GLIS3: variants seen among roughly 807,000 people sequenced by gnomAD.
GLIS3 encodes the protein zinc finger protein GLIS3.
Under a neutral mutation model 78.6 loss-of-function variants are expected in GLIS3, and 53 were observed. The ratio of observed to expected loss-of-function variants is 0.67; its 90% CI spans 0.54 to 0.85. The LOEUF is 0.85. GLIS3 is among the 40% of genes least tolerant of loss of function. The pLI, the probability that GLIS3 is intolerant of heterozygous loss-of-function variation, is 0.00. For missense variants in GLIS3, 1,703 were observed against 1,231.1 expected, an observed-to-expected ratio of 1.38 and a Z score of -5.74; for synonymous variants, 684 against 509.9, an observed-to-expected ratio of 1.34 and a Z score of -4.60.
At chr9:3,864,685 C>G (rs1820456899) in intron 8 of GLIS3, among the ~76,000 whole-genome samples, 1 of 152,148 alleles carries the variant, frequency 6.6e-6, no homozygotes, top group Non-Finnish European at 1.5e-5. Flanking sequence ...TATTGAATGT[C>G]AGGTGCAGGA....
chr9:4,040,933 C>T (rs970873592), intron 4 of GLIS3, among the ~76,000 whole-genome samples: 4 of 152,122 alleles, frequency 2.6e-5, no homozygotes, highest in African/African-American at 9.7e-5. Flanking sequence ...TACAAAACAT[C>T]AGGACCCACT....
At chr9:3,894,722 T>G (rs201328887) in intron 7 of GLIS3, among the ~76,000 whole-genome samples, 1 of 6,862 alleles carries the variant, frequency 1.5e-4, no homozygotes, top group African/African-American at 7.4e-4. Context: ...AACATCTATT[T>G]TTTTTTTTTT....
chr9:4,383,019 T>C, the GLIS3 span, among the ~76,000 whole-genome samples: 1 of 152,054 alleles, frequency 6.6e-6, no homozygotes, highest in East Asian at 1.9e-4. Context: ...TAAAAGGAAG[T>C]TGCAGAAACC....
chr9:4,199,949 A>G (rs996102549), intron 2 of GLIS3, among the ~76,000 whole-genome samples: 11 of 152,192 alleles, frequency 7.2e-5, no homozygotes. Flanking sequence ...TCGAAATCAT[A>G]CCAATCGTAC....
At chr9:4,407,680 G>T in the GLIS3 span, among the ~76,000 whole-genome samples, 1 of 151,992 alleles carries the variant, frequency 6.6e-6, no homozygotes, top group Non-Finnish European at 1.5e-5. Flanking sequence ...AGAAAACATT[G>T]GAAAAACTAT....
intron 2 of GLIS3, among the ~76,000 whole-genome samples, chr9:4,282,241 G>A (rs1827625118): frequency 1.3e-5 from 2 of 152,154 alleles, no homozygotes; most frequent in Non-Finnish European, 2.9e-5. Context: ...CCAAAGCAAT[G>A]ATACTGCTTT....
At chr9:4,436,442 G>A in the GLIS3 span, among the ~76,000 whole-genome samples, 1 of 151,924 alleles carries the variant, frequency 6.6e-6, no homozygotes, top group Non-Finnish European at 1.5e-5. Flanking sequence ...GTCTGTTCAG[G>A]TTCCTCATAT....
At chr9:4,489,787 C>T in the GLIS3 span, among the ~76,000 whole-genome samples, 1 of 152,176 alleles carries the variant, frequency 6.6e-6, no homozygotes, top group Admixed American at 6.5e-5. Flanking sequence ...TCCCAAGGAG[C>T]AGAAGTAAAG....
At chr9:3,953,795 C>CTCTCTCTCTCTCTCTATATATATA (rs1403671770) in intron 4 of GLIS3, among the ~76,000 whole-genome samples, 1 of 73,326 alleles carries the variant, frequency 1.4e-5, no homozygotes, top group African/African-American at 5.7e-5. Context: ...CTCTCTCTCT[C>CTCTCTCTCTCTCTCTATATATATA]TATATATATA....
intron 2 of GLIS3, among the ~76,000 whole-genome samples, chr9:4,315,223 C>T (rs898436018): frequency 6.6e-6 from 1 of 152,134 alleles, no homozygotes; most frequent in Non-Finnish European, 1.5e-5. Context: ...GTGGAAGAAA[C>T]AAATCTCGTC....
intron 2 of GLIS3, among the ~76,000 whole-genome samples, chr9:4,282,101 C>G (rs1827612956): frequency 6.6e-6 from 1 of 152,208 alleles, no homozygotes; most frequent in African/African-American, 2.4e-5. Flanking sequence ...AGATGCTTGT[C>G]TGTGTAGCAA....
chr9:4,467,734 C>CA, the GLIS3 span, among the ~76,000 whole-genome samples: 1 of 152,290 alleles, frequency 6.6e-6, no homozygotes, highest in South Asian at 2.1e-4. Context: ...TCTTCACCCC[C>CA]AAAGGAAGAC....
intron 6 of GLIS3, among the ~76,000 whole-genome samples, chr9:3,925,596 CGTGTGCGCGCGTGTGTGTGT>C (rs1177884435): frequency 2.1e-5 from 3 of 146,218 alleles, no homozygotes; most frequent in Admixed American, 6.7e-5. Flanking sequence ...AGTGTGTGTG[CGTGTGCGCGCGTGTGTGTGT>C]GTGTGCGCGC....
At position 3,908,104 on chromosome 9, in the gene GLIS3, C is replaced by A. The variant is rs1011424304; in HGVS notation, c.1984-9269G>T. 2.0e-5 allele frequency among the ~76,000 whole-genome samples: 3 copies of A among 152,124 alleles called. No homozygotes were observed. In the East Asian group the frequency reaches 5.8e-4, roughly 29 times the overall value. ...AATTAAAACTAAGACCTTAATTTGC[C>A]AGAACAATAAGGACTGAAAGGGGCT... On this transcript the variant is annotated intron_variant, in intron 6 of 10. Transcript: ENST00000381971.
chr9:4,436,184 A>G, the GLIS3 span, among the ~76,000 whole-genome samples: 1 of 152,178 alleles, frequency 6.6e-6, no homozygotes, highest in Non-Finnish European at 1.5e-5. Flanking sequence ...GAAGATGATC[A>G]CAAAGCTTTG....
At chr9:4,178,453 G>T (rs1321051483) in intron 2 of GLIS3, among the ~76,000 whole-genome samples, 1 of 152,174 alleles carries the variant, frequency 6.6e-6, no homozygotes, top group Non-Finnish European at 1.5e-5. Context: ...GGGGAAGGGA[G>T]GGACGATACT....
At chr9:3,963,228 C>G (rs1055378168) in intron 4 of GLIS3, among the ~76,000 whole-genome samples, 1 of 152,164 alleles carries the variant, frequency 6.6e-6, no homozygotes, top group Admixed American at 6.5e-5. Flanking sequence ...CTTCCCAAAC[C>G]TTTGCTCATT....
At chr9:3,981,544 G>A (rs1819288619) in intron 4 of GLIS3, among the ~76,000 whole-genome samples, 1 of 152,120 alleles carries the variant, frequency 6.6e-6, no homozygotes. Context: ...TGGCTCTGAT[G>A]CAGCCAGTCC....
intron 2 of GLIS3, among the ~76,000 whole-genome samples, chr9:4,276,564 G>GAGGGA (rs201546348): frequency 9.0e-6 from 1 of 111,524 alleles, no homozygotes; most frequent in Non-Finnish European, 1.9e-5. Context: ...GAGGGGAGGG[G>GAGGGA]AGGGAAGAGA....
Sources: allele counts gnomAD v4.1 joint callset (sites outside exome capture counted in the v4.1 genomes callset), GRCh38; gene constraint gnomAD v4.1.1; transcripts MANE v1.5; gene names NCBI Gene and HGNC (gene_info 2026-07-23, HGNC 2026-07-21).